EPB41L4A: variants seen among roughly 807,000 people sequenced by gnomAD.
EPB41L4A encodes the protein erythrocyte membrane protein band 4.1 like 4A, also known as band 4.1-like protein 4A.
Under a neutral mutation model 108.6 loss-of-function variants are expected in EPB41L4A, and 100 were observed. That is an observed-to-expected ratio of 0.92 (90% CI 0.78 to 1.09). The LOEUF is 1.09. Ranked by LOEUF, EPB41L4A falls within the 50% of genes least tolerant of loss-of-function variation. EPB41L4A has a pLI of 0.00. For synonymous variants in EPB41L4A, 319 were observed against 289.0 expected (o/e 1.10, Z -1.05); for missense variants, 1,030 against 842.7 (o/e 1.22, Z -2.75).
chr5:112,327,793 G>A (rs533440913), intron 1 of EPB41L4A, among the ~76,000 whole-genome samples: 229 of 152,136 alleles, frequency 1.5e-3, no homozygotes, highest in African/African-American at 5.3e-3. Context: ...TAAACATCTC[G>A]CAAGTAACAG....
At chr5:112,184,585 G>A (rs1761331111) in intron 17 of EPB41L4A, among the ~76,000 whole-genome samples, 1 of 152,152 alleles carries the variant, frequency 6.6e-6, no homozygotes, top group Admixed American at 6.5e-5. Context: ...TTAAAAATAG[G>A]TGCCAAATAT....
chr5:112,314,592 A>C (rs1755306507), intron 1 of EPB41L4A, among the ~76,000 whole-genome samples: 1 of 150,538 alleles, frequency 6.6e-6, no homozygotes. Flanking sequence ...AGCTACTACA[A>C]GGTCAGGAGA....
intron 1 of EPB41L4A, among the ~76,000 whole-genome samples, chr5:112,330,343 CG>C (rs1490798948): frequency 6.6e-6 from 1 of 151,968 alleles, no homozygotes; most frequent in Non-Finnish European, 1.5e-5. Flanking sequence ...ATCAGTGTCT[CG>C]GTTTTGCACT....
At chr5:112,154,502 T>C (rs373308553) in intron 12 of EPB41L4A, among the ~76,000 whole-genome samples, 1 of 152,216 alleles carries the variant, frequency 6.6e-6, no homozygotes, top group Non-Finnish European at 1.5e-5. Flanking sequence ...AATAAAGAGA[T>C]AGTTTTTTCT....
chr5:112,143,984 C>T, intron 13 of EPB41L4A: 2 of 374,206 alleles, frequency 5.3e-6, no homozygotes, highest in Non-Finnish European at 5.6e-6. Flanking sequence ...CCAATTCACC[C>T]CTTATTATCA....
intron 9 of EPB41L4A, among the ~76,000 whole-genome samples, chr5:112,243,519 T>G (rs1366199209): frequency 6.6e-6 from 1 of 152,102 alleles, no homozygotes; most frequent in Non-Finnish European, 1.5e-5. Flanking sequence ...GGCATTGACT[T>G]CTCGTTATAG....
Position 112,178,228 on chromosome 5 carries a change from T to A in EPB41L4A, c.1622+5788A>T, listed in dbSNP as rs546190319. ...GGACACAGAGAAAGTATTGCCAGAATAAAGGGTCATCAGTTCATCAGGAAG... is the reference window on the plus strand; with the variant it reads ...GGACACAGAGAAAGTATTGCCAGAAAAAAGGGTCATCAGTTCATCAGGAAG... On this transcript the variant is annotated intron_variant, in intron 18 of 22. Transcript: ENST00000261486. Among the ~76,000 whole-genome samples the A allele has an allele frequency of 2.6e-5, 4 of 152,128 alleles. No individual in the cohort carries two copies. The South Asian group carries it at 8.3e-4, about 32-fold the overall frequency.
At chr5:112,355,295 G>A (rs966071212) in intron 1 of EPB41L4A, among the ~76,000 whole-genome samples, 2 of 152,212 alleles carry the variant, frequency 1.3e-5, no homozygotes, top group African/African-American at 4.8e-5. Context: ...GCAATGCAGT[G>A]CATGCAGATC....
intron 5 of EPB41L4A, among the ~76,000 whole-genome samples, chr5:112,265,813 C>A (rs1751809650): frequency 6.6e-6 from 1 of 152,232 alleles, no homozygotes; most frequent in South Asian, 2.1e-4. Flanking sequence ...CTGAGCTCAA[C>A]ACCCATGCCA....
chr5:112,231,928 G>C (rs1163003941), intron 12 of EPB41L4A, among the ~76,000 whole-genome samples: 1 of 149,748 alleles, frequency 6.7e-6, no homozygotes, highest in East Asian at 2.0e-4. Flanking sequence ...AACACAGCAA[G>C]ACCCCATCTC....
chr5:112,198,584 A>G (rs955580356), intron 15 of EPB41L4A, among the ~76,000 whole-genome samples: 2 of 151,822 alleles, frequency 1.3e-5, no homozygotes, highest in African/African-American at 4.8e-5. Flanking sequence ...TTCCTCTCCT[A>G]TGTTTTCTCT....
At chr5:112,202,516 G>A (rs1390165357) in intron 15 of EPB41L4A, among the ~76,000 whole-genome samples, 3 of 152,034 alleles carry the variant, frequency 2.0e-5, no homozygotes, top group Non-Finnish European at 4.4e-5. Context: ...GGTTATTATT[G>A]GGATTACATG....
At chr5:112,291,480 GT>G (rs1211327979) in intron 2 of EPB41L4A, among the ~76,000 whole-genome samples, 2 of 152,164 alleles carry the variant, frequency 1.3e-5, no homozygotes, top group Non-Finnish European at 2.9e-5. Context: ...GCCCTTGTTA[GT>G]CTTTTGTTGA....
intron 4 of EPB41L4A, among the ~76,000 whole-genome samples, chr5:112,272,304 C>T (rs1752315911): frequency 6.6e-6 from 1 of 151,620 alleles, no homozygotes; most frequent in South Asian, 2.1e-4. Flanking sequence ...CCACGCGCAG[C>T]TGATTTTTGT....
intron 1 of EPB41L4A, among the ~76,000 whole-genome samples, chr5:112,328,123 C>A (rs1756304419): frequency 1.3e-5 from 2 of 152,040 alleles, no homozygotes; most frequent in South Asian, 2.1e-4. Context: ...TCCTGGCTAA[C>A]ACAGTGAAAC....
At chr5:112,194,967 G>C (rs11954058) in intron 16 of EPB41L4A, among the ~76,000 whole-genome samples, 4,994 of 152,192 alleles carry the variant, frequency 0.033, 316 homozygotes, top group African/African-American at 0.11. Context: ...GTCGGTGGTG[G>C]ACTAAATATG....
rs150806035 is a variant in EPB41L4A at position 112,305,243 on chromosome 5, T to G, written c.204+2143A>C. 7.1e-3 allele frequency among the ~76,000 whole-genome samples: 1,084 copies of G among 152,272 alleles called. 7 individuals are homozygous for G. Among genetic ancestry groups the G allele is most frequent in the African/African-American group, 0.025 (1,041 of 41,556 alleles). On this transcript the variant is annotated intron_variant, in intron 2 of 22. Transcript: ENST00000261486. ...AGATAATAATACTTTAGAGAACTTT[T>G]CTGAGCATACAATTTCAACAAACAA...
intron 4 of EPB41L4A, among the ~76,000 whole-genome samples, chr5:112,267,478 T>G (rs1216656267): frequency 6.6e-6 from 1 of 152,194 alleles, no homozygotes; most frequent in Non-Finnish European, 1.5e-5. Flanking sequence ...AGAGAAAATT[T>G]GCTCAATGTC....
At chr5:112,341,568 T>C (rs1473647858) in intron 1 of EPB41L4A, among the ~76,000 whole-genome samples, 3 of 152,174 alleles carry the variant, frequency 2.0e-5, no homozygotes, top group Non-Finnish European at 4.4e-5. Context: ...ATTAAAAACA[T>C]CTTTGTTGAT....
Sources: allele counts gnomAD v4.1 joint callset (sites outside exome capture counted in the v4.1 genomes callset), GRCh38; gene constraint gnomAD v4.1.1; transcripts MANE v1.5; gene names NCBI Gene and HGNC (gene_info 2026-07-23, HGNC 2026-07-21).